LRMDA: variants seen among roughly 807,000 people sequenced by gnomAD.
LRMDA encodes leucine-rich melanocyte differentiation-associated protein.
In LRMDA, 18 loss-of-function variants were observed where a neutral mutation model predicts 29.8. The observed-to-expected ratio is 0.60, with a 90% CI of 0.42 to 0.90. The LOEUF is 0.90. Among genes scored for constraint, LRMDA ranks in the 40% least tolerant of loss-of-function variants. The pLI, the probability that LRMDA is intolerant of heterozygous loss-of-function variation, is 0.00. For synonymous variants in LRMDA, 125 were observed against 109.4 expected, an observed-to-expected ratio of 1.14 and a Z score of -0.89; for missense variants, 273 against 273.9, an observed-to-expected ratio of 1.00 and a Z score of 0.02.
At chr10:75,654,172 G>A (rs1841637952) in intron 2 of LRMDA, among the ~76,000 whole-genome samples, 1 of 152,186 alleles carries the variant, frequency 6.6e-6, no homozygotes, top group African/African-American at 2.4e-5. Flanking sequence ...ATTTTAATCT[G>A]GAATTAGATC....
At chr10:76,088,766 A>G (rs533774897) in intron 5 of LRMDA, among the ~76,000 whole-genome samples, 4 of 152,226 alleles carry the variant, frequency 2.6e-5, no homozygotes, top group Non-Finnish European at 5.9e-5. Flanking sequence ...TTCTTCCATC[A>G]TCTTAAAATT....
At chr10:76,126,773 G>T (rs1849891313) in intron 5 of LRMDA, among the ~76,000 whole-genome samples, 1 of 152,184 alleles carries the variant, frequency 6.6e-6, no homozygotes, top group Non-Finnish European at 1.5e-5. Context: ...GGGCAGAATT[G>T]TGGAGTTGCA....
intron 6 of LRMDA, among the ~76,000 whole-genome samples, chr10:76,503,853 T>G (rs1405382583): frequency 3.3e-5 from 5 of 151,498 alleles, no homozygotes; most frequent in African/African-American, 1.2e-4. Context: ...TTTTAATTAT[T>G]TATTTCTCTG....
intron 4 of LRMDA, among the ~76,000 whole-genome samples, chr10:76,047,888 G>A (rs1848466944): frequency 6.6e-6 from 1 of 152,222 alleles, no homozygotes. Context: ...CACCAGCCAT[G>A]CGCTTTGATG....
At position 75,668,341 on chromosome 10, in the gene LRMDA, G is replaced by T. The variant is rs548852574; in HGVS notation, c.131+229847G>T. The stretch of plus-strand genomic sequence containing the variant: ...CCCATTGGAAGTGGCTACCTGGGAT[G>T]CTGTGTTGAGGATGCTCAGGCCTGC... On this transcript the variant is annotated intron_variant, in intron 2 of 6. Coordinates refer to ENST00000611255, the MANE Select transcript of LRMDA (RefSeq NM_001305581.2). Among the ~76,000 whole-genome samples the T allele has an allele frequency of 2.0e-5, 3 of 152,314 alleles. No homozygotes were observed. In the South Asian group the frequency reaches 6.2e-4, roughly 32 times the overall value.
At chr10:76,214,859 G>C (rs1302040937) in intron 5 of LRMDA, among the ~76,000 whole-genome samples, 1 of 152,210 alleles carries the variant, frequency 6.6e-6, no homozygotes, top group Non-Finnish European at 1.5e-5. Flanking sequence ...TGGTGATTTT[G>C]GGGCTTTTGT....
intron 5 of LRMDA, among the ~76,000 whole-genome samples, chr10:76,061,243 C>G (rs1440807407): frequency 6.6e-6 from 1 of 151,982 alleles, no homozygotes; most frequent in African/African-American, 2.4e-5. Flanking sequence ...GAGCTGGAGG[C>G]CATTATTCTT....
intron 5 of LRMDA, among the ~76,000 whole-genome samples, chr10:76,147,380 A>G (rs1038507759): frequency 2.0e-5 from 3 of 151,832 alleles, no homozygotes; most frequent in Non-Finnish European, 4.4e-5. Context: ...GGCTTTGTTC[A>G]TTTCTTTTTA....
chr10:76,053,900 A>G (rs1848569036), intron 4 of LRMDA, among the ~76,000 whole-genome samples: 1 of 152,236 alleles, frequency 6.6e-6, no homozygotes, highest in Non-Finnish European at 1.5e-5. Context: ...TTAGAAATGT[A>G]AATTTCAGGC....
intron 5 of LRMDA, among the ~76,000 whole-genome samples, chr10:76,180,496 G>T (rs572157546): frequency 6.6e-6 from 1 of 151,798 alleles, no homozygotes; most frequent in Non-Finnish European, 1.5e-5. Context: ...GGCCAAGCTG[G>T]TCTCAAACTC....
At chr10:76,076,411 T>G (rs890345823) in intron 5 of LRMDA, among the ~76,000 whole-genome samples, 3 of 151,966 alleles carry the variant, frequency 2.0e-5, no homozygotes, top group African/African-American at 7.2e-5. Context: ...TTCTCTTTCT[T>G]CTTTTTTGCC....
At chr10:75,610,344 C>T (rs1342462152) in intron 2 of LRMDA, among the ~76,000 whole-genome samples, 2 of 151,750 alleles carry the variant, frequency 1.3e-5, no homozygotes, top group African/African-American at 4.8e-5. Context: ...TCCCACATCC[C>T]TCACCACAAA....
chr10:76,432,334 T>C lies in LRMDA; in HGVS notation c.601+107849T>C, dbSNP rs1270924623. On this transcript the variant is annotated intron_variant, in intron 6 of 6. Transcript: ENST00000611255. ...ATGACAAAAAGAGAACATAAAATGC[T>C]AGAGGAAAGATCATTCTAACACGGT... Among the ~76,000 whole-genome samples the C allele has an allele frequency of 2.6e-5, 4 of 152,166 alleles. No homozygotes were observed. In the East Asian group the frequency reaches 7.7e-4, roughly 29 times the overall value.
chr10:76,248,094 A>G (rs1034792878), intron 5 of LRMDA, among the ~76,000 whole-genome samples: 1 of 152,166 alleles, frequency 6.6e-6, no homozygotes, highest in Admixed American at 6.5e-5. Flanking sequence ...ATCTTACCCC[A>G]ATAGTCCAGG....
chr10:76,247,306 G>T (rs1852393967), intron 5 of LRMDA, among the ~76,000 whole-genome samples: 2 of 152,176 alleles, frequency 1.3e-5, no homozygotes, highest in African/African-American at 4.8e-5. Context: ...ATGGAGAAAA[G>T]TGAGGGAGTC....
intron 2 of LRMDA, among the ~76,000 whole-genome samples, chr10:75,490,056 T>C (rs981331907): frequency 6.6e-6 from 1 of 152,170 alleles, no homozygotes; most frequent in Admixed American, 6.5e-5. Context: ...ATGTGGTTCA[T>C]GTCATTTGTG....
chr10:76,485,813 T>C (rs556845966), intron 6 of LRMDA, among the ~76,000 whole-genome samples: 1 of 151,896 alleles, frequency 6.6e-6, no homozygotes, highest in Non-Finnish European at 1.5e-5. Flanking sequence ...TGATAAGACA[T>C]CTACTTTAAT....
chr10:76,175,076 C>G (rs191055126), intron 5 of LRMDA, among the ~76,000 whole-genome samples: 52 of 152,220 alleles, frequency 3.4e-4, no homozygotes, highest in African/African-American at 1.1e-3. Flanking sequence ...GAGCCAAGAT[C>G]GCACCACTGC....
At chr10:76,315,643 C>G (rs997546452) in intron 5 of LRMDA, among the ~76,000 whole-genome samples, 1 of 152,186 alleles carries the variant, frequency 6.6e-6, no homozygotes, top group African/African-American at 2.4e-5. Context: ...GGGCAGCTCC[C>G]TGCGGGCCTG....
Sources: allele counts gnomAD v4.1 joint callset (sites outside exome capture counted in the v4.1 genomes callset), GRCh38; gene constraint gnomAD v4.1.1; transcripts MANE v1.5; gene names NCBI Gene and HGNC (gene_info 2026-07-23, HGNC 2026-07-21).